ARIH1: variants seen among roughly 807,000 people sequenced by gnomAD.
ARIH1 encodes E3 ubiquitin-protein ligase ARIH1.
A neutral mutation model predicts 85.0 loss-of-function variants in ARIH1; 8 were observed. The observed-to-expected ratio is 0.09, with a 90% CI of 0.06 to 0.17. The LOEUF (loss-of-function observed/expected upper bound fraction) is 0.17. ARIH1 is among the 10% of genes least tolerant of loss of function. The probability of loss-of-function intolerance (pLI) is 1.00; values close to 1 mark genes in which losing one functional copy is unlikely to be tolerated. For synonymous variants in ARIH1, 238 were observed against 253.6 expected (o/e 0.94, Z 0.59); for missense variants, 311 against 718.1 (o/e 0.43, Z 6.48).
rs1466759933 is a variant in ARIH1 at position 72,594,514 on chromosome 15, T to A, written c.*11222T>A. The A allele has an allele frequency of 6.6e-6, 1 of 152,124 alleles. No homozygotes were observed. Among genetic ancestry groups the A allele is most frequent in the Non-Finnish European group, 1.5e-5 (1 of 68,022 alleles). The allele number at this position is 152,124 out of a possible 1,614,324, so 9.4% of individuals were successfully genotyped here. On this transcript the variant is annotated 3_prime_UTR_variant, in exon 14 of 14. Coordinates refer to ENST00000379887, the MANE Select transcript of ARIH1 (RefSeq NM_005744.5). ...TGCTGCTAGTATCTAGAAATACAATTGATTTTTTGTTTGTTTCTTTAGAGA... is the reference window on the plus strand; with the variant it reads ...TGCTGCTAGTATCTAGAAATACAATAGATTTTTTGTTTGTTTCTTTAGAGA...
intron 12 of ARIH1, 110 bp downstream of exon 12, chr15:72,581,101 A>G: frequency 8.9e-7 from 1 of 1,121,580 alleles, no homozygotes; most frequent in Non-Finnish European, 1.3e-6. Flanking sequence ...CAGAACATGT[A>G]GGTAGACGAA....
chr15:72,523,371 A>G (rs991580052), intron 2 of ARIH1, among the ~76,000 whole-genome samples: 2 of 152,264 alleles, frequency 1.3e-5, no homozygotes, highest in Admixed American at 1.3e-4. Context: ...ATATTATTAA[A>G]TGAAATAAGC....
chr15:72,505,083 G>C (rs941200457), intron 1 of ARIH1, among the ~76,000 whole-genome samples: 4 of 152,172 alleles, frequency 2.6e-5, no homozygotes, highest in South Asian at 2.1e-4. Context: ...ACTTCCTGTA[G>C]CTTATATCAG....
rs199527927 is a variant in ARIH1 at position 72,572,095 on chromosome 15, T to C, written c.1158-13T>C. 1 of 1,569,142 alleles carries C rather than the reference T, an allele frequency of 6.4e-7. No individual in the cohort carries two copies. Among genetic ancestry groups the C allele is most frequent in the Middle Eastern group, 1.7e-4 (1 of 5,874 alleles). On this transcript the variant is annotated splice_polypyrimidine_tract_variant and intron_variant, in intron 10 of 13. Transcript: ENST00000379887. ...TTTTTTTTCTTTATGGAATCCTCTT[T>C]ATTTACTTGAAGGTACAACTGTAAC...
rs71137306 is a variant in ARIH1, at chr15:72,594,811, C to CTTTTTTTTTTTTTTTTTTTTT, written c.*11526_*11546dup. 7 of 79,616 alleles carry CTTTTTTTTTTTTTTTTTTTTT rather than the reference C, an allele frequency of 8.8e-5. 2 individuals are homozygous for CTTTTTTTTTTTTTTTTTTTTT. Among genetic ancestry groups the CTTTTTTTTTTTTTTTTTTTTT allele is most frequent in the East Asian group, 4.8e-4 (1 of 2,082 alleles). The allele number at this position is 79,616 out of a possible 1,614,324, so 4.9% of individuals were successfully genotyped here. ...TTTTTCTGATTTTATGCCTTTTCTT[C>CTTTTTTTTTTTTTTTTTTTTT]TTTTTTTTTTTTTTTTTTTTTTTTT... On this transcript the variant is annotated 3_prime_UTR_variant, in exon 14 of 14. Coordinates refer to ENST00000379887, the MANE Select transcript of ARIH1 (RefSeq NM_005744.5).
intron 1 of ARIH1, among the ~76,000 whole-genome samples, chr15:72,498,495 T>G (rs924225880): frequency 6.6e-6 from 1 of 152,246 alleles, no homozygotes; most frequent in Non-Finnish European, 1.5e-5. Context: ...TCAAAAGTTA[T>G]GTTTATATTT....
Position 72,593,309 on chromosome 15 carries a change from T to C in ARIH1, c.*10017T>C, listed in dbSNP as rs935647346. The C allele has an allele frequency of 3.3e-5, 5 of 152,206 alleles. No individual in the cohort carries two copies. Among genetic ancestry groups the C allele is most frequent in the African/African-American group, 1.2e-4 (5 of 41,462 alleles). The allele number at this position is 152,206 out of a possible 1,614,324, so 9.4% of individuals were successfully genotyped here. ...TATAAATCCTTTGATAGATATGCTA[T>C]GATTTTTTAAAGACTCTATGTATTC... On this transcript the variant is annotated 3_prime_UTR_variant, in exon 14 of 14. Coordinates refer to ENST00000379887, the MANE Select transcript of ARIH1 (RefSeq NM_005744.5).
rs1303486939 is a variant in ARIH1 at position 72,602,790 on chromosome 15, G to T, written c.*19498G>T. ...CCAGGAAACGTTCTGACCTTACCCT[G>T]GTCCCTCAAGGACTCTCCTTCTCCC... On this transcript the variant is annotated 3_prime_UTR_variant, in exon 14 of 14. Transcript: ENST00000379887. The T allele has an allele frequency of 1.3e-5, 2 of 152,078 alleles. No homozygotes were observed. The highest frequency in any genetic ancestry group is 4.8e-5 in the African/African-American group (2 of 41,388). The allele number at this position is 152,078 out of a possible 1,614,324, so 9.4% of individuals were successfully genotyped here.
chr15:72,537,260 T>G (rs1415283400), intron 2 of ARIH1, among the ~76,000 whole-genome samples: 1 of 152,190 alleles, frequency 6.6e-6, no homozygotes, highest in African/African-American at 2.4e-5. Flanking sequence ...TACATTCTTT[T>G]GAAAGAATAA....
rs2064363940 is a variant in ARIH1, at chr15:72,596,445, A to T, written c.*13153A>T. ...TGTCTAGGTATGTTTTTCTTTGTAT[A>T]GAGTTTACTGAACTTCTTGGATCTG... On this transcript the variant is annotated 3_prime_UTR_variant, in exon 14 of 14. Coordinates refer to ENST00000379887, the MANE Select transcript of ARIH1 (RefSeq NM_005744.5). 1 of 152,134 alleles carries T rather than the reference A, an allele frequency of 6.6e-6. No individual in the cohort carries two copies. The highest frequency in any genetic ancestry group is 2.4e-5 in the African/African-American group (1 of 41,436). 9.4% of individuals were successfully genotyped at this position (152,134 alleles called of 1,614,324 possible).
intron 1 of ARIH1, among the ~76,000 whole-genome samples, chr15:72,509,585 A>G (rs73444738): frequency 0.011 from 1,627 of 151,264 alleles, 26 homozygotes; most frequent in African/African-American, 0.038. Context: ...ATTTATTTCT[A>G]TTTATTTTCA....
intron 1 of ARIH1, among the ~76,000 whole-genome samples, chr15:72,492,670 T>C (rs2063864199): frequency 6.6e-6 from 1 of 152,190 alleles, no homozygotes; most frequent in South Asian, 2.1e-4. Context: ...TACATTTCAT[T>C]GGCCCTAAAA....
chr15:72,516,604 G>A (rs576706606), intron 1 of ARIH1, among the ~76,000 whole-genome samples: 1 of 152,254 alleles, frequency 6.6e-6, no homozygotes, highest in South Asian at 2.1e-4. Flanking sequence ...AGATTCTTAG[G>A]GGAGTGTGGG....
intron 11 of ARIH1, among the ~76,000 whole-genome samples, chr15:72,576,802 A>G (rs970796611): frequency 2.6e-5 from 4 of 152,076 alleles, no homozygotes; most frequent in East Asian, 1.9e-4. Context: ...TGACTCTTGA[A>G]CAATTCAGGG....
chr15:72,498,771 C>T (rs1465018873), intron 1 of ARIH1, among the ~76,000 whole-genome samples: 3 of 150,762 alleles, frequency 2.0e-5, no homozygotes, highest in African/African-American at 4.9e-5. Context: ...ACCCAGGAGG[C>T]GGAGGTTGCA....
At chr15:72,519,533 G>C (rs949534369) in intron 2 of ARIH1, among the ~76,000 whole-genome samples, 1 of 142,616 alleles carries the variant, frequency 7.0e-6, no homozygotes, top group Non-Finnish European at 1.5e-5. Flanking sequence ...GCCCAGGCTG[G>C]AGTGCAATGG....
rs749449122 is a variant in ARIH1, at chr15:72,474,684, G to A, written c.45G>A (p.Glu15=). The change falls in exon 1 of 14, where the codon GAG becomes GAA. Residue 15 remains glutamate (E), a synonymous_variant. Transcript: ENST00000379887. The part of the protein sequence containing the change: ...EGYNYEFDED[E]ECSEEDSGAE... ...ACAACTACGAGTTCGACGAGGACGAGGAGTGCAGTGAGGAGGACAGCGGCG... is the reference window on the plus strand; with the variant it reads ...ACAACTACGAGTTCGACGAGGACGAAGAGTGCAGTGAGGAGGACAGCGGCG... 1.3e-6 allele frequency: 2 copies of A among 1,576,592 alleles called. No homozygotes were observed. Among genetic ancestry groups the A allele is most frequent in the South Asian group, 2.3e-5 (2 of 86,924 alleles).
At chr15:72,534,859 G>A (rs886219387) in intron 2 of ARIH1, among the ~76,000 whole-genome samples, 5 of 151,680 alleles carry the variant, frequency 3.3e-5, no homozygotes, top group African/African-American at 4.8e-5. Context: ...GAATCAGAGC[G>A]TATCAAGAAT....
chr15:72,474,590 G>A lies in ARIH1; in HGVS notation c.-50G>A, dbSNP rs1202942470. Reference sequence around the variant, plus strand: ...CGAGAGCCGGGGCCTCGGCGTCCCCGCCCTCTCCCCGCCTCGGCCAGCGTC... The same window carrying A: ...CGAGAGCCGGGGCCTCGGCGTCCCCACCCTCTCCCCGCCTCGGCCAGCGTC... On this transcript the variant is annotated 5_prime_UTR_variant, in exon 1 of 14. Transcript: ENST00000379887. 3 of 1,482,750 alleles carry A rather than the reference G, an allele frequency of 2.0e-6. No individual in the cohort carries two copies. Among genetic ancestry groups the A allele is most frequent in the Admixed American group, 4.5e-5 (2 of 44,520 alleles). The allele number at this position is 1,482,750 out of a possible 1,614,324, so 91.8% of individuals were successfully genotyped here.
Sources: allele counts gnomAD v4.1 joint callset (sites outside exome capture counted in the v4.1 genomes callset), GRCh38; gene constraint gnomAD v4.1.1; transcripts MANE v1.5; gene names NCBI Gene and HGNC (gene_info 2026-07-23, HGNC 2026-07-21).